MDFIC2: variants seen among roughly 807,000 people sequenced by gnomAD.
MDFIC2 encodes MyoD family inhibitor domain containing 2.
intron 2 of MDFIC2, among the ~76,000 whole-genome samples, chr3:70,275,503 C>G (rs1010743990): frequency 2.6e-5 from 4 of 152,122 alleles, no homozygotes; most frequent in Non-Finnish European, 5.9e-5. Flanking sequence ...GGTGGCAAAG[C>G]AAGACCCTGT....
At chr3:70,204,428 T>C (rs1701270360) in intron 3 of MDFIC2, 1 of 152,168 alleles carries the variant, frequency 6.6e-6, no homozygotes, top group Admixed American at 6.6e-5. Context: ...AATGAGAGTT[T>C]CTTATCACTC....
intron 2 of MDFIC2, among the ~76,000 whole-genome samples, chr3:70,301,601 A>G (rs1284016949): frequency 1.3e-5 from 2 of 152,084 alleles, no homozygotes; most frequent in Admixed American, 1.3e-4. Flanking sequence ...TGCTTCTTTT[A>G]CAGTAGGAAT....
intron 2 of MDFIC2, among the ~76,000 whole-genome samples, chr3:70,281,602 A>G (rs1168861267): frequency 1.3e-5 from 2 of 152,156 alleles, no homozygotes; most frequent in African/African-American, 4.8e-5. Context: ...GTTATGTCAA[A>G]TCATACACAG....
intron 2 of MDFIC2, among the ~76,000 whole-genome samples, chr3:70,277,825 T>C (rs1049953818): frequency 1.3e-5 from 2 of 152,134 alleles, no homozygotes; most frequent in African/African-American, 4.8e-5. Context: ...TTGAGATCTA[T>C]GTGCCAGGTA....
chr3:70,231,572 T>C (rs1190289157), intron 2 of MDFIC2, among the ~76,000 whole-genome samples: 2 of 152,282 alleles, frequency 1.3e-5, no homozygotes, highest in East Asian at 3.9e-4. Context: ...TGATTACCCC[T>C]TAATGGGCTT....
intron 2 of MDFIC2, among the ~76,000 whole-genome samples, chr3:70,232,504 A>T (rs1374131110): frequency 1.3e-5 from 2 of 151,110 alleles, no homozygotes; most frequent in Non-Finnish European, 2.9e-5. Context: ...GGTTCAAGTG[A>T]TTCTCCTGCC....
chr3:70,289,874 CT>C (rs1262129173), intron 2 of MDFIC2, among the ~76,000 whole-genome samples: 1 of 151,934 alleles, frequency 6.6e-6, no homozygotes, highest in Non-Finnish European at 1.5e-5. Flanking sequence ...CTTCTGCATT[CT>C]TCACGTAGTT....
At chr3:70,246,846 CT>C (rs1267049788) in intron 2 of MDFIC2, among the ~76,000 whole-genome samples, 2 of 151,938 alleles carry the variant, frequency 1.3e-5, no homozygotes, top group African/African-American at 4.8e-5. Context: ...TAAAACAACC[CT>C]ACCATCTTAA....
At chr3:70,300,906 G>GT (rs1292526465) in intron 2 of MDFIC2, among the ~76,000 whole-genome samples, 2 of 151,710 alleles carry the variant, frequency 1.3e-5, no homozygotes, top group African/African-American at 4.8e-5. Context: ...TTATGTTGCT[G>GT]TTTTTAAAAA....
At chr3:70,205,731 T>C (rs1701283793) in intron 3 of MDFIC2, 1 of 152,104 alleles carries the variant, frequency 6.6e-6, no homozygotes, top group Admixed American at 6.6e-5. Flanking sequence ...GTTTATTTAA[T>C]CTTTTTTCTT....
chr3:70,210,164 A>G (rs1701329467), intron 2 of MDFIC2, among the ~76,000 whole-genome samples: 1 of 152,134 alleles, frequency 6.6e-6, no homozygotes, highest in Admixed American at 6.6e-5. Flanking sequence ...CAAGTGGTAT[A>G]TGATTCTCTT....
At chr3:70,235,646 C>A (rs751309949) in intron 2 of MDFIC2, among the ~76,000 whole-genome samples, 7 of 152,110 alleles carry the variant, frequency 4.6e-5, no homozygotes, top group Non-Finnish European at 1.0e-4. Flanking sequence ...TTCTCTATGA[C>A]CCCTTTGCTG....
In MDFIC2 at chr3:70,206,654, G is replaced by C. The variant is rs1260529941; in HGVS notation, c.225C>G (p.Ser75Arg). 2.5e-6 allele frequency: 1 copy of C among 397,758 alleles called. No homozygotes were observed. The highest frequency in any genetic ancestry group is 4.4e-6 in the Non-Finnish European group (1 of 225,602). 24.6% of individuals were successfully genotyped at this position (397,758 alleles called of 1,614,324 possible). Reference protein sequence around the residue: ...NPNEKKLSESSTSLSSLEECQ... With the variant: ...NPNEKKLSESRTSLSSLEECQ... ...ATTCTTCAAGGGAGGACAGTGATGT[G>C]CTGGATTCTGACAGTTTTTTCTCAT... Residue 75 changes from serine (S) to arginine (R), a missense_variant, in exon 3 of 4, where the codon AGC (serine) becomes AGG (arginine). Transcript: ENST00000567252.
chr3:70,200,220 A>G (rs1432394882), intron 3 of MDFIC2, among the ~76,000 whole-genome samples: 1 of 152,018 alleles, frequency 6.6e-6, no homozygotes, highest in Non-Finnish European at 1.5e-5. Context: ...TGGCAAGGAC[A>G]CTCTGCTTCC....
chr3:70,232,774 A>G lies in MDFIC2; in HGVS notation c.89-25984T>C, dbSNP rs918725240. The stretch of plus-strand genomic sequence containing the variant: ...CAATAATAAATATTTATTCCATCAC[A>G]GGGACTGACTTCTTACTGGGTTGGA... On this transcript the variant is annotated intron_variant, in intron 2 of 3. Coordinates refer to ENST00000567252, the MANE Select transcript of MDFIC2 (RefSeq NM_001364677.1). Among the ~76,000 whole-genome samples the G allele has an allele frequency of 4.6e-5, 7 of 152,172 alleles. No individual in the cohort carries two copies. The South Asian group carries it at 1.4e-3, about 32-fold the overall frequency.
chr3:70,207,898 C>G (rs1017089264), intron 2 of MDFIC2, among the ~76,000 whole-genome samples: 1 of 151,960 alleles, frequency 6.6e-6, no homozygotes, highest in African/African-American at 2.4e-5. Flanking sequence ...ATTCTCCTGC[C>G]ATGTAATGAT....
chr3:70,281,182 G>C (rs143707479), intron 2 of MDFIC2, among the ~76,000 whole-genome samples: 1,669 of 152,216 alleles, frequency 0.011, 21 homozygotes, highest in African/African-American at 0.037. Flanking sequence ...TTTTAGTGTA[G>C]TTGTCAGGAT....
intron 2 of MDFIC2, among the ~76,000 whole-genome samples, chr3:70,272,673 C>T (rs754593182): frequency 2.6e-5 from 4 of 152,110 alleles, no homozygotes; most frequent in African/African-American, 9.7e-5. Context: ...TTATAAAAAA[C>T]TGCTCAGCAC....
chr3:70,274,813 A>G (rs913859619), intron 2 of MDFIC2, among the ~76,000 whole-genome samples: 1 of 152,226 alleles, frequency 6.6e-6, no homozygotes, highest in African/African-American at 2.4e-5. Context: ...GTATTAAGGA[A>G]TATTATAAAA....
Sources: allele counts gnomAD v4.1 joint callset (sites outside exome capture counted in the v4.1 genomes callset), GRCh38; gene constraint gnomAD v4.1.1; transcripts MANE v1.5; gene names NCBI Gene and HGNC (gene_info 2026-07-23, HGNC 2026-07-21).